The following SRRM3 variants were observed in gnomAD, a reference collection of about 807,000 sequenced individuals.
The protein encoded by SRRM3 is serine/arginine repetitive matrix protein 3.
Under a neutral mutation model 66.2 loss-of-function variants are expected in SRRM3, and 27 were observed. The observed-to-expected ratio is 0.41, with a 90% confidence interval of 0.30 to 0.56. The LOEUF (loss-of-function observed/expected upper bound fraction) is 0.56. Ranked by LOEUF, SRRM3 falls within the 20% of genes least tolerant of loss-of-function variation. The pLI is 0.32. For missense variants in SRRM3, 918 were observed against 991.9 expected (o/e 0.93, Z 1.00); for synonymous variants, 391 against 414.9 (o/e 0.94, Z 0.70).
intron 1 of SRRM3, among the ~76,000 whole-genome samples, chr7:76,231,968 G>C (rs1358803219): frequency 1.3e-5 from 2 of 152,186 alleles, no homozygotes; most frequent in Admixed American, 1.3e-4. Flanking sequence ...CCAAGGCTAA[G>C]AGGCTGGGTG....
chr7:76,233,294 T>A (rs1425975672), intron 1 of SRRM3, among the ~76,000 whole-genome samples: 1 of 151,906 alleles, frequency 6.6e-6, no homozygotes, highest in East Asian at 1.9e-4. Context: ...GCCTGGGTGA[T>A]AGAGTGAGAC....
chr7:76,222,767 ACC>A (rs1800758732), intron 1 of SRRM3, among the ~76,000 whole-genome samples: 2 of 151,582 alleles, frequency 1.3e-5, no homozygotes, highest in African/African-American at 4.9e-5. Flanking sequence ...GATTACAGGC[ACC>A]CGCCACCATG....
intron 1 of SRRM3, among the ~76,000 whole-genome samples, chr7:76,221,957 C>T (rs937632471): frequency 7.9e-5 from 12 of 152,290 alleles, no homozygotes; most frequent in African/African-American, 2.4e-4. Flanking sequence ...CCCTGAGGTG[C>T]GGGTACTTAT....
intron 2 of SRRM3, among the ~76,000 whole-genome samples, chr7:76,242,762 C>T (rs1729224413): frequency 6.6e-6 from 1 of 152,128 alleles, no homozygotes; most frequent in South Asian, 2.1e-4. Flanking sequence ...CTACATCCCT[C>T]GCATGCGCAG....
At chr7:76,233,811 A>G (rs1250763143) in intron 1 of SRRM3, among the ~76,000 whole-genome samples, 14 of 152,124 alleles carry the variant, frequency 9.2e-5, no homozygotes, top group African/African-American at 3.4e-4. Flanking sequence ...GGAAGGACAT[A>G]TGAGAAGAGC....
At chr7:76,274,526 A>G (rs1802292454) in intron 11 of SRRM3, among the ~76,000 whole-genome samples, 1 of 152,222 alleles carries the variant, frequency 6.6e-6, no homozygotes, top group Non-Finnish European at 1.5e-5. Flanking sequence ...GATCCAACTC[A>G]GACAGGGGCT....
At chr7:76,235,361 G>A in intron 2 of SRRM3, 62 bp downstream of exon 2, 1 of 1,364,620 alleles carries the variant, frequency 7.3e-7, no homozygotes, top group African/African-American at 1.5e-5. Context: ...TGGGAGAAGC[G>A]AGTGATGCTG....
chr7:76,229,818 A>G (rs1375096521), intron 1 of SRRM3, among the ~76,000 whole-genome samples: 1 of 141,864 alleles, frequency 7.0e-6, no homozygotes, highest in Non-Finnish European at 1.5e-5. Context: ...ATCTCGGCTC[A>G]CTGCAATCTC....
chr7:76,234,928 G>A (rs1554604605), intron 1 of SRRM3, 100 bp from the exon 2 acceptor site: 2 of 710,118 alleles, frequency 2.8e-6, no homozygotes, highest in African/African-American at 1.9e-5. Flanking sequence ...TTAGAGCCAT[G>A]AGTGTGCCCT....
At position 76,241,644 on chromosome 7, in the gene SRRM3, C is replaced by T. The variant is rs1168807175; in HGVS notation, c.233+6345C>T. Among the ~76,000 whole-genome samples the T allele has an allele frequency of 5.3e-5, 8 of 152,288 alleles. No individual in the cohort carries two copies. The South Asian group carries it at 1.5e-3, about 28-fold the overall frequency. Reference sequence around the variant, plus strand: ...TTGGCCTCCCGAGTAGCTGGGACTACAGGCACGCACCACCACGCCCAGCTG... The same window carrying T: ...TTGGCCTCCCGAGTAGCTGGGACTATAGGCACGCACCACCACGCCCAGCTG... On this transcript the variant is annotated intron_variant, in intron 2 of 14. Transcript: ENST00000611745.
chr7:76,226,842 C>T (rs990043746), intron 1 of SRRM3, among the ~76,000 whole-genome samples: 48 of 152,280 alleles, frequency 3.2e-4, no homozygotes, highest in African/African-American at 9.9e-4. Flanking sequence ...CCACCTGCTT[C>T]GGCCTCCCAA....
At chr7:76,256,796 G>A (rs544205248) in intron 3 of SRRM3, among the ~76,000 whole-genome samples, 5 of 147,300 alleles carry the variant, frequency 3.4e-5, no homozygotes, top group East Asian at 4.2e-4. Context: ...TGCAACCTCC[G>A]CCTCCTGGGT....
intron 1 of SRRM3, among the ~76,000 whole-genome samples, chr7:76,207,985 C>T (rs185278809): frequency 5.9e-5 from 9 of 152,292 alleles, no homozygotes; most frequent in South Asian, 4.1e-4. Flanking sequence ...TCCCTTGCCC[C>T]TGCCCTGTCC....
intron 3 of SRRM3, among the ~76,000 whole-genome samples, chr7:76,251,524 G>C (rs542847765): frequency 1.3e-5 from 2 of 152,226 alleles, no homozygotes; most frequent in East Asian, 3.9e-4. Context: ...ACAGGCGCAC[G>C]CTGCCACGCC....
intron 1 of SRRM3, among the ~76,000 whole-genome samples, chr7:76,207,936 C>T (rs1554601319): frequency 1.3e-5 from 2 of 152,152 alleles, no homozygotes; most frequent in African/African-American, 4.8e-5. Context: ...CTTATAAAGG[C>T]TGGGCATGGG....
intron 14 of SRRM3, 125 bp downstream of exon 14, chr7:76,283,226 G>C (rs1023059527): frequency 1.7e-6 from 2 of 1,149,328 alleles, no homozygotes; most frequent in South Asian, 2.0e-5. Context: ...GATGGGGGGG[G>C]GTGCTAAGGG....
intron 10 of SRRM3, among the ~76,000 whole-genome samples, chr7:76,266,834 G>T (rs941797244): frequency 1.3e-5 from 2 of 150,702 alleles, no homozygotes; most frequent in African/African-American, 4.9e-5. Flanking sequence ...CACCATGCCC[G>T]ACTAATTTTT....
At chr7:76,265,270 C>A in intron 9 of SRRM3, 94 bp from the exon 10 acceptor site, 1 of 830,318 alleles carries the variant, frequency 1.2e-6, no homozygotes. Flanking sequence ...TAGGGTTCCA[C>A]TGGGATCCTG....
At chr7:76,236,035 G>A (rs1290765223) in intron 2 of SRRM3, among the ~76,000 whole-genome samples, 1 of 103,602 alleles carries the variant, frequency 9.7e-6, no homozygotes, top group Non-Finnish European at 1.9e-5. Context: ...AAAAAAGGCC[G>A]GGCGCGGTGG....
Sources: gnomAD v4.1 joint callset for allele counts (sites outside exome capture counted in the v4.1 genomes callset) on GRCh38, gnomAD v4.1.1 for gene constraint, MANE v1.5 for transcripts, NCBI Gene and HGNC (gene_info 2026-07-23, HGNC 2026-07-21) for gene names.